The following ABCA13 variants were observed in gnomAD, a reference collection of about 807,000 sequenced individuals.
The protein encoded by ABCA13 is ATP-binding cassette sub-family A member 13.
Under a neutral mutation model 478.7 loss-of-function variants are expected in ABCA13, and 476 were observed. The ratio of observed to expected loss-of-function variants is 0.99; its 90% confidence interval spans 0.92 to 1.07. The LOEUF is 1.07. Among genes scored for constraint, ABCA13 ranks in the 50% least tolerant of loss-of-function variants. The pLI, the probability that ABCA13 is intolerant of heterozygous loss-of-function variation, is 0.00. For synonymous variants in ABCA13, 2,252 were observed against 2,158.9 expected (o/e 1.04, Z -1.20); for missense variants, 6,060 against 5,910.6 (o/e 1.03, Z -0.83).
At chr7:48,323,403 G>C (rs952505888) in intron 27 of ABCA13, among the ~76,000 whole-genome samples, 3 of 152,218 alleles carry the variant, frequency 2.0e-5, no homozygotes, top group African/African-American at 7.2e-5. Flanking sequence ...AAGGGAGATA[G>C]AGTAGACTGT....
intron 55 of ABCA13, among the ~76,000 whole-genome samples, chr7:48,562,311 T>G (rs1282317410): frequency 6.6e-6 from 1 of 150,580 alleles, no homozygotes; most frequent in African/African-American, 2.5e-5. Context: ...TTTTTAATTC[T>G]ATGGGCATTT....
At position 48,645,539 on chromosome 7, in the gene ABCA13, A is replaced by G. The variant is rs561507666; in HGVS notation, c.*27A>G. ...CACTAAAGAAGTTTCCATAAGGAAT[A>G]AAACCTTGTCTTCCATTACAATTAA... On this transcript the variant is annotated 3_prime_UTR_variant, in exon 62 of 62. Coordinates refer to ENST00000435803, the MANE Select transcript of ABCA13 (RefSeq NM_152701.5). 28 of 1,530,462 alleles carry G rather than the reference A, an allele frequency of 1.8e-5. 1 individual carries two copies. The South Asian group carries it at 3.4e-4, about 18-fold the overall frequency. The allele number at this position is 1,530,462 out of a possible 1,614,324, so 94.8% of individuals were successfully genotyped here. A position where few individuals can be genotyped will look rare whatever the true frequency, so the allele number is the denominator to read the frequency against.
At chr7:48,374,508 C>A in intron 34 of ABCA13, 92 bp downstream of exon 34, 1 of 1,170,784 alleles carries the variant, frequency 8.5e-7, no homozygotes, top group South Asian at 1.4e-5. Flanking sequence ...AGGAAGTCTT[C>A]ATTATCAAGT....
Position 48,234,043 on chromosome 7 carries a change from G to C in ABCA13, c.789G>C (p.Gln263His), listed in dbSNP as rs770362374. The C allele has an allele frequency of 1.2e-6, 2 of 1,613,998 alleles. No homozygotes were observed. The highest frequency in any genetic ancestry group is 2.2e-5 in the South Asian group (2 of 91,078). ...AGCCAGTTTACCACCTGTCCATGCAGAATATAGTGTGGGATCCACAGAAAG... is the reference window on the plus strand; with the variant it reads ...AGCCAGTTTACCACCTGTCCATGCACAATATAGTGTGGGATCCACAGAAAG... Reference protein sequence around the residue: ...VTEPVYHLSMQNIVWDPQKVQ... With the variant: ...VTEPVYHLSMHNIVWDPQKVQ... The change falls in exon 8 of 62, where the codon CAG becomes CAC. Residue 263 changes from glutamine to histidine, a missense_variant. Transcript: ENST00000435803.
chr7:48,232,164 T>TTTTTTTTTTTTTTTTTTTTTTC (rs1554360466), intron 7 of ABCA13, among the ~76,000 whole-genome samples: 1 of 132,830 alleles, frequency 7.5e-6, no homozygotes, highest in Non-Finnish European at 1.6e-5. Context: ...TTTTTTTTTT[T>TTTTTTTTTTTTTTTTTTTTTTC]AGCTTTCTGT....
chr7:48,562,296 C>T (rs1009596989), intron 55 of ABCA13, among the ~76,000 whole-genome samples: 1 of 146,670 alleles, frequency 6.8e-6, no homozygotes, highest in African/African-American at 2.6e-5. Context: ...TTTTTGTGGG[C>T]TGAGTTTTTA....
At chr7:48,377,980 C>T (rs573004350) in intron 35 of ABCA13, among the ~76,000 whole-genome samples, 78 of 152,334 alleles carry the variant, frequency 5.1e-4, no homozygotes, top group African/African-American at 1.8e-3. Flanking sequence ...ATTTCTCCCT[C>T]AACCATCAGC....
At chr7:48,318,024 A>T (rs1584812066) in intron 27 of ABCA13, among the ~76,000 whole-genome samples, 1 of 152,328 alleles carries the variant, frequency 6.6e-6, no homozygotes, top group East Asian at 1.9e-4. Context: ...CCAAGGACAC[A>T]GGAATAATTT....
chr7:48,602,888 G>T (rs745340986), intron 58 of ABCA13, among the ~76,000 whole-genome samples: 95 of 151,994 alleles, frequency 6.3e-4, no homozygotes, highest in Non-Finnish European at 1.2e-3. Context: ...ACTTGATTGT[G>T]TCCTCTTTTA....
In ABCA13 at chr7:48,411,041, TTC is replaced by T. The variant is rs751906798; in HGVS notation, c.12228+366_12228+367del. Among the ~76,000 whole-genome samples the T allele has an allele frequency of 1.4e-3, 159 of 111,114 alleles. 1 individual carries two copies. Among genetic ancestry groups the T allele is most frequent in the African/African-American group, 4.4e-3 (135 of 30,590 alleles). 72.9% of individuals were successfully genotyped at this position (111,114 alleles called of 152,430 possible). ...TTTCTTTCTTTCTTTCTTTCTTTCT[TTC>T]TTTCTTTTTCTTTCTTTCTTTCTTT... On this transcript the variant is annotated intron_variant, in intron 40 of 61. Coordinates refer to ENST00000435803, the MANE Select transcript of ABCA13 (RefSeq NM_152701.5).
chr7:48,535,737 C>G (rs1833524399), intron 55 of ABCA13, among the ~76,000 whole-genome samples: 1 of 151,996 alleles, frequency 6.6e-6, no homozygotes, highest in Non-Finnish European at 1.5e-5. Flanking sequence ...TTATGTTCCT[C>G]AGGGGATTAT....
intron 39 of ABCA13, among the ~76,000 whole-genome samples, chr7:48,406,327 T>C (rs1241058529): frequency 6.6e-6 from 1 of 152,210 alleles, no homozygotes; most frequent in Non-Finnish European, 1.5e-5. Context: ...AATGATCAAA[T>C]GCTTCTGAGC....
At chr7:48,591,312 C>T (rs978210238) in intron 57 of ABCA13, among the ~76,000 whole-genome samples, 2 of 151,886 alleles carry the variant, frequency 1.3e-5, no homozygotes, top group African/African-American at 4.8e-5. Context: ...TCTGTACTGT[C>T]TATTCTTTTC....
intron 55 of ABCA13, among the ~76,000 whole-genome samples, chr7:48,562,427 G>A (rs969129437): frequency 3.9e-5 from 6 of 152,050 alleles, no homozygotes; most frequent in African/African-American, 9.7e-5. Flanking sequence ...ATCACCATGG[G>A]CAAAAACTCT....
chr7:48,482,064 C>CT (rs1047351506), intron 46 of ABCA13, among the ~76,000 whole-genome samples: 2 of 151,396 alleles, frequency 1.3e-5, no homozygotes, highest in African/African-American at 4.9e-5. Flanking sequence ...AATGTTAACC[C>CT]TTTTTTTGAA....
chr7:48,495,839 T>C (rs1245685237), intron 48 of ABCA13, among the ~76,000 whole-genome samples: 1 of 152,178 alleles, frequency 6.6e-6, no homozygotes, highest in Non-Finnish European at 1.5e-5. Context: ...ATTAATCCTT[T>C]GCATATATGT....
chr7:48,616,662 G>C (rs1252965503), intron 59 of ABCA13, among the ~76,000 whole-genome samples: 1 of 152,106 alleles, frequency 6.6e-6, no homozygotes, highest in African/African-American at 2.4e-5. Context: ...TGAACTGTAG[G>C]ACTATATTAA....
Position 48,540,945 on chromosome 7 carries a change from G to A in ABCA13, c.14354+12600G>A, listed in dbSNP as rs149414576. On this transcript the variant is annotated intron_variant, in intron 55 of 61. Transcript: ENST00000435803. ...CTTTTTGTCTTGGCAAGTTGTCAAG[G>A]CTGCAGCATGATAGACTAGGTCCCA... 6.2e-3 allele frequency among the ~76,000 whole-genome samples: 943 copies of A among 152,160 alleles called. 10 individuals are homozygous for A. Among genetic ancestry groups the A allele is most frequent in the African/African-American group, 0.022 (897 of 41,536 alleles).
rs1819402416 is a variant in ABCA13, at chr7:48,412,487, C to T, written c.12363C>T (p.Asp4121=). 6.2e-7 allele frequency: 1 copy of T among 1,613,524 alleles called. No individual in the cohort carries two copies. Among genetic ancestry groups the T allele is most frequent in the Non-Finnish European group, 8.5e-7 (1 of 1,179,852 alleles). The change falls in exon 41 of 62, where the codon GAC becomes GAT. Residue 4121 remains aspartate (D), a synonymous_variant. Transcript: ENST00000435803. ...CCTACACCATTCCAAAGGACACAGA[C>T]AAGGCCTGCTTGAAAGGGCTCTTCC... ...ELTYTIPKDT[D]KACLKGLFQA... is the part of the protein sequence containing the mutation.
Sources: allele counts gnomAD v4.1 joint callset (sites outside exome capture counted in the v4.1 genomes callset), GRCh38; gene constraint gnomAD v4.1.1; transcripts MANE v1.5; gene names NCBI Gene and HGNC (gene_info 2026-07-23, HGNC 2026-07-21).